The following LIMS1 variants were observed in gnomAD, a reference collection of about 807,000 sequenced individuals.
LIMS1 encodes the protein LIM and senescent cell antigen-like-containing domain protein 1.
A neutral mutation model predicts 44.1 loss-of-function variants in LIMS1; 18 were observed. The observed-to-expected ratio is 0.41, with a 90% CI of 0.28 to 0.61. The LOEUF is 0.61. Ranked by LOEUF, LIMS1 falls within the 20% of genes least tolerant of loss-of-function variation. The probability of loss-of-function intolerance (pLI) is 0.32; values close to 1 mark genes in which losing one functional copy is unlikely to be tolerated. For synonymous variants in LIMS1, 93 were observed against 149.1 expected (o/e 0.62, Z 2.74); for missense variants, 201 against 422.0 (o/e 0.48, Z 4.59).
chr2:108,559,963 A>T (rs374978957), intron 1 of LIMS1, among the ~76,000 whole-genome samples: 1 of 144,804 alleles, frequency 6.9e-6, no homozygotes, highest in African/African-American at 2.5e-5. Flanking sequence ...ACCACCTCCC[A>T]TGGAGTCCTG....
intron 1 of LIMS1, among the ~76,000 whole-genome samples, chr2:108,631,282 G>A (rs1184867370): frequency 6.6e-6 from 1 of 152,174 alleles, no homozygotes; most frequent in Non-Finnish European, 1.5e-5. Context: ...AGTGAGAGTG[G>A]GTGAGGAGTC....
At chr2:108,652,271 C>A (rs538916566) in intron 1 of LIMS1, among the ~76,000 whole-genome samples, 275 of 151,724 alleles carry the variant, frequency 1.8e-3, no homozygotes, top group Admixed American at 4.7e-3. Flanking sequence ...TTCACAGTGC[C>A]ACAAATTGGA....
chr2:108,606,731 T>C (rs115567033), intron 1 of LIMS1, among the ~76,000 whole-genome samples: 5,041 of 152,286 alleles, frequency 0.033, 288 homozygotes, highest in African/African-American at 0.12. Context: ...CAGCTTCCAC[T>C]GCCTCCCTGG....
chr2:108,551,608 GTA>G (rs1684710394), intron 1 of LIMS1, among the ~76,000 whole-genome samples: 2 of 131,284 alleles, frequency 1.5e-5, no homozygotes, highest in African/African-American at 6.1e-5. Context: ...ATATATATAT[GTA>G]TATATATGTA....
intron 1 of LIMS1, among the ~76,000 whole-genome samples, chr2:108,642,438 C>A (rs1689760288): frequency 6.8e-6 from 1 of 146,034 alleles, no homozygotes; most frequent in Non-Finnish European, 1.5e-5. Flanking sequence ...CGGCTCACTG[C>A]AAGCTCCGCC....
At chr2:108,678,578 C>G (rs1274950769) in intron 8 of LIMS1, 4 of 154,902 alleles carry the variant, frequency 2.6e-5, no homozygotes, top group African/African-American at 7.2e-5. Flanking sequence ...CAGCATGATT[C>G]ATGGCTCCCT....
At chr2:108,658,816 C>T (rs1485075223) in intron 1 of LIMS1, among the ~76,000 whole-genome samples, 1 of 152,308 alleles carries the variant, frequency 6.6e-6, no homozygotes, top group Non-Finnish European at 1.5e-5. Flanking sequence ...CCTGTCATGT[C>T]CTTTCAAGTG....
Position 108,624,214 on chromosome 2 carries a change from A to G in LIMS1, c.33-35391A>G, listed in dbSNP as rs528026777. 3.3e-4 allele frequency among the ~76,000 whole-genome samples: 50 copies of G among 152,346 alleles called. No homozygotes were observed. The South Asian group carries it at 0.01, about 32-fold the overall frequency. ...TCCCTGAAGTTTTTGGTGTCCCAAA[A>G]TAACATCTAAGATATACCCATGTAC... is the stretch of plus-strand genomic sequence containing the variant. On this transcript the variant is annotated intron_variant, in intron 1 of 9. Coordinates refer to ENST00000544547, the Ensembl canonical transcript of LIMS1.
chr2:108,641,822 G>T (rs1402789321), intron 1 of LIMS1, among the ~76,000 whole-genome samples: 1 of 152,100 alleles, frequency 6.6e-6, no homozygotes, highest in Non-Finnish European at 1.5e-5. Context: ...GCCAAACTTT[G>T]TCTGTTTTCT....
rs1684693456 is a variant in LIMS1, at chr2:108,551,479, A to ATG, written c.32+16886_32+16887dup. 9.8e-5 allele frequency among the ~76,000 whole-genome samples: 11 copies of ATG among 111,734 alleles called. No homozygotes were observed. In the South Asian group the frequency reaches 3.5e-3, roughly 35 times the overall value. 73.3% of individuals were successfully genotyped at this position (111,734 alleles called of 152,430 possible). A position where few individuals can be genotyped will look rare whatever the true frequency, so the allele number is the denominator to read the frequency against. The stretch of plus-strand genomic sequence containing the variant: ...TAGTTAGCACACTCTATATACATAT[A>ATG]TGCGCGCGCGCGCACACACACACAC... On this transcript the variant is annotated intron_variant, in intron 1 of 9. Coordinates refer to ENST00000544547, the Ensembl canonical transcript of LIMS1.
intron 1 of LIMS1, among the ~76,000 whole-genome samples, chr2:108,537,892 A>C (rs1018779538): frequency 6.6e-6 from 1 of 152,238 alleles, no homozygotes; most frequent in Non-Finnish European, 1.5e-5. Flanking sequence ...TAGCTGCAGC[A>C]GATCAGTAAC....
intron 1 of LIMS1, among the ~76,000 whole-genome samples, chr2:108,536,054 T>A (rs887608297): frequency 6.6e-6 from 1 of 152,238 alleles, no homozygotes; most frequent in African/African-American, 2.4e-5. Context: ...ATATAAAATT[T>A]AAAGTATTTG....
chr2:108,682,361 A>C (rs1396243950), intron 9 of LIMS1, among the ~76,000 whole-genome samples: 1 of 152,088 alleles, frequency 6.6e-6, no homozygotes, highest in Non-Finnish European at 1.5e-5. Context: ...TTAGCCAGGC[A>C]TGGTGGCGGG....
chr2:108,640,549 C>G (rs1484782707), intron 1 of LIMS1, among the ~76,000 whole-genome samples: 2 of 152,160 alleles, frequency 1.3e-5, no homozygotes, highest in African/African-American at 2.4e-5. Flanking sequence ...TGGGCTGTCC[C>G]TCAGTACACC....
At chr2:108,562,999 C>T (rs1490595399) in intron 1 of LIMS1, among the ~76,000 whole-genome samples, 1 of 152,212 alleles carries the variant, frequency 6.6e-6, no homozygotes, top group East Asian at 1.9e-4. Flanking sequence ...TATGCTAAAT[C>T]TACTCTGCCT....
intron 1 of LIMS1, among the ~76,000 whole-genome samples, chr2:108,612,053 CATATATATATATATAT>C (rs113417984): frequency 3.4e-5 from 3 of 89,312 alleles, no homozygotes; most frequent in South Asian, 7.5e-4. Flanking sequence ...CACACACACA[CATATATATATATATAT>C]ACATATATAT....
At chr2:108,587,895 C>T (rs1459164802) in intron 1 of LIMS1, among the ~76,000 whole-genome samples, 2 of 152,152 alleles carry the variant, frequency 1.3e-5, no homozygotes, top group African/African-American at 4.8e-5. Context: ...GTGCCCGTCC[C>T]TAAGCTGGCC....
At chr2:108,585,213 G>C (rs1382848840) in intron 1 of LIMS1, among the ~76,000 whole-genome samples, 2 of 151,628 alleles carry the variant, frequency 1.3e-5, no homozygotes, top group East Asian at 3.9e-4. Flanking sequence ...TTACCTTAAG[G>C]GATGCTGACT....
Position 108,551,487 on chromosome 2 carries a change from G to A in LIMS1, c.32+16893G>A, listed in dbSNP as rs951842132. Among the ~76,000 whole-genome samples, 18 of 99,106 alleles carry A rather than the reference G, an allele frequency of 1.8e-4. No individual in the cohort carries two copies. The South Asian group carries it at 2.3e-3, about 13-fold the overall frequency. 65.0% of individuals were successfully genotyped at this position (99,106 alleles called of 152,430 possible). ...ACACTCTATATACATATATGCGCGCGCGCGCACACACACACACACACACAC... is the reference window on the plus strand; with the variant it reads ...ACACTCTATATACATATATGCGCGCACGCGCACACACACACACACACACAC... On this transcript the variant is annotated intron_variant, in intron 1 of 9. Coordinates refer to ENST00000544547, the Ensembl canonical transcript of LIMS1.
Sources: allele counts gnomAD v4.1 joint callset (sites outside exome capture counted in the v4.1 genomes callset), GRCh38; gene constraint gnomAD v4.1.1; transcripts MANE v1.5; gene names NCBI Gene and HGNC (gene_info 2026-07-23, HGNC 2026-07-21).